PDE10A: variants seen among roughly 807,000 people sequenced by gnomAD.
PDE10A encodes the protein cAMP and cAMP-inhibited cGMP 3',5'-cyclic phosphodiesterase 10A.
Under a neutral mutation model 97.7 loss-of-function variants are expected in PDE10A, and 39 were observed. That is an observed-to-expected ratio of 0.40 (90% CI 0.31 to 0.52). The LOEUF is 0.52. Ranked by LOEUF, PDE10A falls within the 20% of genes least tolerant of loss-of-function variation. The probability of loss-of-function intolerance (pLI) is 0.56; values close to 1 mark genes in which losing one functional copy is unlikely to be tolerated. For synonymous variants in PDE10A, 371 were observed against 376.8 expected (o/e 0.98, Z 0.18); for missense variants, 731 against 1,047.8 (o/e 0.70, Z 4.17).
chr6:165,606,963 T>A (rs2128399011), intron 1 of PDE10A, among the ~76,000 whole-genome samples: 1 of 152,344 alleles, frequency 6.6e-6, no homozygotes, highest in East Asian at 1.9e-4. Context: ...GGGCTCTTCA[T>A]ATTCCAATAT....
At chr6:165,909,316 G>T (rs1401428909) in intron 1 of PDE10A, among the ~76,000 whole-genome samples, 6 of 152,218 alleles carry the variant, frequency 3.9e-5, no homozygotes, top group African/African-American at 1.4e-4. Flanking sequence ...TGAGTACTCT[G>T]TGGGCAGGTC....
At chr6:165,901,406 C>T (rs74890862) in intron 1 of PDE10A, among the ~76,000 whole-genome samples, 14,355 of 152,194 alleles carry the variant, frequency 0.094, 848 homozygotes, top group African/African-American at 0.16. Flanking sequence ...GTGGCTCCTG[C>T]GGCACAGAGA....
At chr6:165,890,303 G>A (rs1172256103) in intron 1 of PDE10A, among the ~76,000 whole-genome samples, 1 of 152,106 alleles carries the variant, frequency 6.6e-6, no homozygotes, top group Non-Finnish European at 1.5e-5. Context: ...CCACACCGCG[G>A]AGGAAGACAG....
At chr6:165,806,656 C>A (rs191862837) in intron 1 of PDE10A, among the ~76,000 whole-genome samples, 20 of 151,430 alleles carry the variant, frequency 1.3e-4, no homozygotes, top group Non-Finnish European at 2.8e-4. Flanking sequence ...AGCGCCCCCC[C>A]CCAGGCTCTT....
chr6:165,531,867 G>A lies in PDE10A; in HGVS notation c.994+11573C>T, dbSNP rs539880276. Among the ~76,000 whole-genome samples, 5 of 152,034 alleles carry A rather than the reference G, an allele frequency of 3.3e-5. No individual in the cohort carries two copies. In the South Asian group the frequency reaches 1.0e-3, roughly 32 times the overall value. ...CACCAACAGGCTAATATATGAAATG[G>A]GAATTAAAAGACAAAACCTTTAAAC... On this transcript the variant is annotated intron_variant, in intron 2 of 21. Coordinates refer to ENST00000539869, the MANE Select transcript of PDE10A (RefSeq NM_001385079.1).
Position 165,379,263 on chromosome 6 carries a change from A to C in PDE10A, c.2714T>G (p.Phe905Cys). 6.2e-7 allele frequency: 1 copy of C among 1,613,816 alleles called. No individual in the cohort carries two copies. Among genetic ancestry groups the C allele is most frequent in the Non-Finnish European group, 8.5e-7 (1 of 1,179,746 alleles). The part of the protein sequence containing the change: ...AIIATDLALY[F>C]GNRKQLEEMY... ...CTCTTCCAACTGCTTCCTGTTTCCA[A>C]AGTATAAAGCAAGGTCTGTGGCAAT... is the stretch of plus-strand genomic sequence containing the variant. Residue 905 changes from phenylalanine (F) to cysteine (C), a missense_variant, in exon 18 of 22, where the codon TTT (phenylalanine) becomes TGT (cysteine). Physicochemically the swap from Phe to Cys is radical, Grantham distance 205. Coordinates refer to ENST00000539869, the MANE Select transcript of PDE10A (RefSeq NM_001385079.1).
intron 1 of PDE10A, among the ~76,000 whole-genome samples, chr6:165,934,816 A>T (rs960226936): frequency 2.6e-5 from 4 of 152,196 alleles, no homozygotes; most frequent in Admixed American, 2.6e-4. Context: ...TTGCTTTTAG[A>T]TACAAATGTA....
rs544115134 is a variant in PDE10A, at chr6:165,452,153, C to G, written c.1024-1791G>C. Among the ~76,000 whole-genome samples, 12 of 152,250 alleles carry G rather than the reference C, an allele frequency of 7.9e-5. No homozygotes were observed. In the East Asian group the frequency reaches 2.3e-3, roughly 30 times the overall value. ...AATATATACCTGGCTCTGGTGCAGG[C>G]CAGGAATTAATGAGGAAACTGCTGC... On this transcript the variant is annotated intron_variant, in intron 3 of 21. Coordinates refer to ENST00000539869, the MANE Select transcript of PDE10A (RefSeq NM_001385079.1).
chr6:165,686,702 A>G (rs1791129936), intron 1 of PDE10A, among the ~76,000 whole-genome samples: 1 of 152,234 alleles, frequency 6.6e-6, no homozygotes, highest in African/African-American at 2.4e-5. Context: ...CATTTTATAA[A>G]ACCCTCAGAG....
At chr6:165,350,959 C>T (rs1167757433) in intron 18 of PDE10A, among the ~76,000 whole-genome samples, 3 of 152,126 alleles carry the variant, frequency 2.0e-5, no homozygotes, top group Admixed American at 2.0e-4. Context: ...TACTCAGTCT[C>T]GGCTATGTCT....
chr6:165,758,454 C>T (rs1325513076), intron 1 of PDE10A, among the ~76,000 whole-genome samples: 1 of 146,600 alleles, frequency 6.8e-6, no homozygotes, highest in Non-Finnish European at 1.5e-5. Flanking sequence ...AAGTAAGAGT[C>T]TGTCTTGAAA....
intron 1 of PDE10A, among the ~76,000 whole-genome samples, chr6:165,748,982 T>C (rs928072394): frequency 6.6e-6 from 1 of 152,212 alleles, no homozygotes; most frequent in African/African-American, 2.4e-5. Context: ...AGGTTCCTTA[T>C]ATGTAAAATG....
intron 1 of PDE10A, among the ~76,000 whole-genome samples, chr6:165,752,459 T>C (rs1380879102): frequency 3.9e-5 from 6 of 152,300 alleles, no homozygotes; most frequent in African/African-American, 1.4e-4. Flanking sequence ...AAGATATGAA[T>C]TGGGCCCCAC....
upstream of PDE10A, among the ~76,000 whole-genome samples, chr6:165,665,644 A>T (rs1790479927): frequency 6.6e-6 from 1 of 152,104 alleles, no homozygotes; most frequent in South Asian, 2.1e-4. Context: ...TGGTAAAATA[A>T]ACAATTTTCC....
At chr6:165,467,982 T>C (rs1234200959) in intron 3 of PDE10A, among the ~76,000 whole-genome samples, 1 of 152,238 alleles carries the variant, frequency 6.6e-6, no homozygotes, top group Non-Finnish European at 1.5e-5. Flanking sequence ...AGAAGCCATC[T>C]ACATCTAGGC....
intron 1 of PDE10A, among the ~76,000 whole-genome samples, chr6:165,861,916 C>G (rs1277107431): frequency 6.6e-6 from 1 of 152,188 alleles, no homozygotes; most frequent in Non-Finnish European, 1.5e-5. Context: ...TAAGAAAAAT[C>G]TTAGATCCCT....
intron 1 of PDE10A, among the ~76,000 whole-genome samples, chr6:165,931,784 C>G (rs575417244): frequency 1.2e-4 from 19 of 152,264 alleles, no homozygotes; most frequent in Admixed American, 7.2e-4. Flanking sequence ...GGCTGTCTCC[C>G]GACAGTCACT....
At chr6:165,525,143 G>A (rs1373865694) in intron 2 of PDE10A, among the ~76,000 whole-genome samples, 7 of 152,132 alleles carry the variant, frequency 4.6e-5, no homozygotes, top group Admixed American at 4.6e-4. Context: ...GCCCCTAGAG[G>A]TAAAGTTGAG....
chr6:165,450,028 G>C (rs931426057), intron 4 of PDE10A, among the ~76,000 whole-genome samples: 1 of 152,154 alleles, frequency 6.6e-6, no homozygotes, highest in African/African-American at 2.4e-5. Context: ...GTATATATCA[G>C]GCAGATACTT....
Sources: gnomAD v4.1 joint callset for allele counts (sites outside exome capture counted in the v4.1 genomes callset) on GRCh38, gnomAD v4.1.1 for gene constraint, MANE v1.5 for transcripts, NCBI Gene and HGNC (gene_info 2026-07-23, HGNC 2026-07-21) for gene names.